Variants in MEIS2 observed in about 807,000 individuals in gnomAD.
MEIS2 encodes homeobox protein Meis2.
In MEIS2, 9 loss-of-function variants were observed where a neutral mutation model predicts 58.6. The observed-to-expected ratio is 0.15, with a 90% CI of 0.09 to 0.27. The LOEUF (loss-of-function observed/expected upper bound fraction) is 0.27. MEIS2 is among the 10% of genes least tolerant of loss of function. The probability of loss-of-function intolerance (pLI) is 1.00; values close to 1 mark genes in which losing one functional copy is unlikely to be tolerated. For synonymous variants in MEIS2, 221 were observed against 228.4 expected, an observed-to-expected ratio of 0.97 and a Z score of 0.29; for missense variants, 427 against 635.0, an observed-to-expected ratio of 0.67 and a Z score of 3.52.
chr15:36,957,978 G>C (rs754026356), intron 8 of MEIS2, among the ~76,000 whole-genome samples: 7 of 152,140 alleles, frequency 4.6e-5, no homozygotes, highest in African/African-American at 1.4e-4. Context: ...GGAAATGCAG[G>C]CTTCACATTC....
Position 36,913,547 on chromosome 15 carries a change from AT to A in MEIS2, c.978-16862del, listed in dbSNP as rs201156488. On this transcript the variant is annotated intron_variant, in intron 9 of 11. Transcript: ENST00000561208. ...CAAATAACAGAATGTTAAAGCAACT[AT>A]TTCCTTAAAGTCCTATGGGAAAGAT... is the stretch of plus-strand genomic sequence containing the variant. 7.5e-3 allele frequency among the ~76,000 whole-genome samples: 1,148 copies of A among 152,308 alleles called. 13 individuals carry two copies. The highest frequency in any genetic ancestry group is 0.027 in the African/African-American group (1,103 of 41,560).
intron 1 of MEIS2, 123 bp downstream of exon 1, chr15:37,099,332 A>T: frequency 6.4e-7 from 1 of 1,566,862 alleles, no homozygotes; most frequent in Non-Finnish European, 8.7e-7. Flanking sequence ...ATTTTTTAAA[A>T]TACTGGCCGC....
intron 9 of MEIS2, among the ~76,000 whole-genome samples, chr15:36,949,908 G>A (rs182030418): frequency 2.6e-5 from 4 of 151,904 alleles, no homozygotes; most frequent in Admixed American, 6.6e-5. Context: ...CTACATCACC[G>A]CTCAAAGCCA....
At chr15:37,068,146 T>C (rs919106235) in intron 7 of MEIS2, among the ~76,000 whole-genome samples, 2 of 152,176 alleles carry the variant, frequency 1.3e-5, no homozygotes, top group African/African-American at 4.8e-5. Context: ...GAGGTCACAT[T>C]GCATGTGGGA....
intron 9 of MEIS2, among the ~76,000 whole-genome samples, chr15:36,901,497 C>A (rs1310273160): frequency 6.6e-6 from 1 of 152,078 alleles, no homozygotes; most frequent in Non-Finnish European, 1.5e-5. Context: ...GGTGACCAGA[C>A]AATGGCTCCT....
chr15:36,915,062 C>A (rs2057212613), intron 9 of MEIS2, among the ~76,000 whole-genome samples: 1 of 152,136 alleles, frequency 6.6e-6, no homozygotes, highest in East Asian at 1.9e-4. Context: ...CATTTTAATT[C>A]TCAGCAACAG....
intron 8 of MEIS2, among the ~76,000 whole-genome samples, chr15:37,005,781 ACTTCTG>A (rs1471823265): frequency 6.6e-6 from 1 of 152,090 alleles, no homozygotes; most frequent in Non-Finnish European, 1.5e-5. Flanking sequence ...CTGGTCTCAA[ACTTCTG>A]AGCTCAAGTC....
rs190410216 is a variant in MEIS2 at position 36,961,833 on chromosome 15, C to A, written c.901-11433G>T. On this transcript the variant is annotated intron_variant, in intron 8 of 11. Coordinates refer to ENST00000561208, the MANE Select transcript of MEIS2 (RefSeq NM_170675.5). Reference sequence around the variant, plus strand: ...TATACACCAGCCATATTTTTTTAATCCATTTAAGCAGTAAGATTTGATAGA... The same window carrying A: ...TATACACCAGCCATATTTTTTTAATACATTTAAGCAGTAAGATTTGATAGA... Among the ~76,000 whole-genome samples the A allele has an allele frequency of 2.0e-4, 31 of 152,042 alleles. 1 individual carries two copies. Among genetic ancestry groups the A allele is most frequent in the Admixed American group, 1.8e-3 (27 of 15,268 alleles).
intron 8 of MEIS2, among the ~76,000 whole-genome samples, chr15:36,966,919 C>A (rs1193628645): frequency 6.6e-6 from 1 of 152,070 alleles, no homozygotes; most frequent in East Asian, 1.9e-4. Flanking sequence ...GCCCAGAGCC[C>A]TACTGCAGAG....
chr15:37,095,820 G>T, intron 3 of MEIS2: 1 of 668,828 alleles, frequency 1.5e-6, no homozygotes, highest in Non-Finnish European at 2.5e-6. Flanking sequence ...AGGGGGACCT[G>T]GTACGACTAA....
chr15:36,992,875 A>G (rs548111214), intron 8 of MEIS2, among the ~76,000 whole-genome samples: 2 of 152,326 alleles, frequency 1.3e-5, no homozygotes, highest in East Asian at 1.9e-4. Context: ...TTTAGAATTG[A>G]AATAATCAAA....
At chr15:37,099,000 C>A in intron 1 of MEIS2, 1 of 983,588 alleles carries the variant, frequency 1.0e-6, no homozygotes, top group Non-Finnish European at 1.2e-6. Context: ...GCAGCGGCTG[C>A]GGCAGCGCGG....
chr15:36,917,481 G>A (rs2057330402), intron 9 of MEIS2, among the ~76,000 whole-genome samples: 1 of 149,920 alleles, frequency 6.7e-6, no homozygotes, highest in Non-Finnish European at 1.5e-5. Flanking sequence ...ACAGGCCCAT[G>A]CTAATTTTCT....
At chr15:37,009,288 CA>C (rs1042700328) in intron 8 of MEIS2, among the ~76,000 whole-genome samples, 2 of 147,178 alleles carry the variant, frequency 1.4e-5, no homozygotes, top group Non-Finnish European at 3.0e-5. Flanking sequence ...GACTCCGTCT[CA>C]AAAAAAAATA....
At chr15:37,060,320 C>CAT (rs1306697886) in intron 7 of MEIS2, among the ~76,000 whole-genome samples, 2 of 152,276 alleles carry the variant, frequency 1.3e-5, no homozygotes, top group African/African-American at 4.8e-5. Flanking sequence ...GACAAAAATA[C>CAT]ATATTCTTAA....
At chr15:36,939,308 T>A (rs187754762) in intron 9 of MEIS2, among the ~76,000 whole-genome samples, 1 of 152,198 alleles carries the variant, frequency 6.6e-6, no homozygotes, top group South Asian at 2.1e-4. Flanking sequence ...AATAATCCCT[T>A]TGTCACATAA....
At chr15:37,099,160 A>C in intron 1 of MEIS2, 2 of 1,216,824 alleles carry the variant, frequency 1.6e-6, no homozygotes, top group Non-Finnish European at 2.1e-6. Flanking sequence ...GAAAGCGTGT[A>C]ACGATTGCAC....
At chr15:36,952,664 C>G (rs992001053) in intron 8 of MEIS2, among the ~76,000 whole-genome samples, 7 of 136,766 alleles carry the variant, frequency 5.1e-5, no homozygotes, top group African/African-American at 1.9e-4. Flanking sequence ...TGTGTTTAAG[C>G]GAGAGAGAGA....
At chr15:37,017,542 G>A (rs980557268) in intron 8 of MEIS2, among the ~76,000 whole-genome samples, 1 of 152,126 alleles carries the variant, frequency 6.6e-6, no homozygotes, top group African/African-American at 2.4e-5. Flanking sequence ...GCCCAGAAGT[G>A]CAGCGAGCTA....
Sources: gnomAD v4.1 joint callset for allele counts (sites outside exome capture counted in the v4.1 genomes callset) on GRCh38, gnomAD v4.1.1 for gene constraint, MANE v1.5 for transcripts, NCBI Gene and HGNC (gene_info 2026-07-23, HGNC 2026-07-21) for gene names.